UVSSA: variants seen among roughly 807,000 people sequenced by gnomAD.
The protein encoded by UVSSA is UV-stimulated scaffold protein A.
Under a neutral mutation model 73.9 loss-of-function variants are expected in UVSSA, and 72 were observed. That is an observed-to-expected ratio of 0.97 (90% CI 0.81 to 1.19). The LOEUF (loss-of-function observed/expected upper bound fraction) is 1.19, where lower values mean the gene tolerates loss of function less well. UVSSA is among the 50% of genes most tolerant of loss of function. UVSSA has a pLI of 0.00. For missense variants in UVSSA, 1,150 were observed against 965.0 expected (o/e 1.19, Z -2.54); for synonymous variants, 454 against 391.3 (o/e 1.16, Z -1.89).
At chr4:1,376,587 C>A (rs1384441433) in intron 10 of UVSSA, among the ~76,000 whole-genome samples, 3 of 152,196 alleles carry the variant, frequency 2.0e-5, no homozygotes, top group Admixed American at 2.0e-4. Context: ...CAGGCGGGGG[C>A]TCTGCAAGGA....
Position 1,353,171 on chromosome 4 carries a change from G to A in UVSSA, c.692G>A (p.Cys231Tyr). 3.1e-6 allele frequency: 5 copies of A among 1,612,858 alleles called. No individual in the cohort carries two copies. The highest frequency in any genetic ancestry group is 4.2e-6 in the Non-Finnish European group (5 of 1,179,984). Reference protein sequence around the residue: ...SGMSDALRSSCAGQVGPCRSG... With the variant: ...SGMSDALRSSYAGQVGPCRSG... Reference sequence around the variant, plus strand: ...ATGTCCGATGCCCTTCGCTCCTCCTGCGCGGGCCAGGTGGGCCCCTGCCGG... The same window carrying A: ...ATGTCCGATGCCCTTCGCTCCTCCTACGCGGGCCAGGTGGGCCCCTGCCGG... Residue 231 changes from cysteine (C) to tyrosine (Y), a missense_variant, in exon 5 of 14, where the codon TGC becomes TAC. Coordinates refer to ENST00000389851, the MANE Select transcript of UVSSA (RefSeq NM_020894.4).
intron 8 of UVSSA, among the ~76,000 whole-genome samples, chr4:1,367,450 T>C (rs1717480350): frequency 7.1e-6 from 1 of 139,990 alleles, no homozygotes; most frequent in Admixed American, 7.0e-5. Flanking sequence ...AGACAACTCA[T>C]GTGTGAAGAT....
chr4:1,378,283 T>A (rs1252158423), intron 10 of UVSSA, among the ~76,000 whole-genome samples: 2 of 152,168 alleles, frequency 1.3e-5, no homozygotes, highest in Non-Finnish European at 2.9e-5. Flanking sequence ...CTGGGTACAG[T>A]GGCTCACGCC....
intron 8 of UVSSA, among the ~76,000 whole-genome samples, chr4:1,368,862 C>T (rs1717667876): frequency 6.6e-6 from 1 of 152,260 alleles, no homozygotes; most frequent in Non-Finnish European, 1.5e-5. Context: ...GCGGCTGGTT[C>T]TTTCGCTGCA....
chr4:1,354,879 G>C (rs1237118135), intron 6 of UVSSA, 32 bp downstream of exon 6: 1 of 1,511,724 alleles, frequency 6.6e-7, no homozygotes, highest in Non-Finnish European at 9.1e-7. Flanking sequence ...TGTGGGTGGA[G>C]GGACGTGTGC....
At chr4:1,369,131 C>CCGTTCTG (rs1717707467) in intron 8 of UVSSA, among the ~76,000 whole-genome samples, 1 of 152,248 alleles carries the variant, frequency 6.6e-6, no homozygotes, top group Admixed American at 6.5e-5. Context: ...TGCCGTTCTG[C>CCGTTCTG]CGTTCTGCCG....
chr4:1,369,547 TC>T (rs1717765904), intron 8 of UVSSA, among the ~76,000 whole-genome samples: 1 of 152,260 alleles, frequency 6.6e-6, no homozygotes. Flanking sequence ...TCTCATTTCT[TC>T]CTCTGAATTT....
In UVSSA at chr4:1,383,854, G is replaced by C. The variant is rs778999089; in HGVS notation, c.1950G>C (p.Gly650=). Residue 650 remains glycine, a synonymous_variant, in exon 13 of 14, where the codon GGG becomes GGC. Transcript: ENST00000389851. ...GSSRYSGKGR[G]KKRRYPSLTN... is the part of the protein sequence containing the mutation. ...CCAGGTACAGCGGGAAAGGCAGGGG[G>C]AAGAAGAGGAGGTACCCCAGCCTCA... 6.2e-7 allele frequency: 1 copy of C among 1,613,488 alleles called. No individual in the cohort carries two copies. The highest frequency in any genetic ancestry group is 8.5e-7 in the Non-Finnish European group (1 of 1,179,982).
At chr4:1,381,195 C>CT (rs1480405470) in intron 12 of UVSSA, among the ~76,000 whole-genome samples, 2 of 152,242 alleles carry the variant, frequency 1.3e-5, no homozygotes, top group Admixed American at 6.5e-5. Context: ...GATGCTCCAG[C>CT]TTTAGGGGGT....
In UVSSA at chr4:1,355,126, C is replaced by A. The variant is rs879145271; in HGVS notation, c.1057C>A (p.Arg353Ser). Residue 353 changes from arginine to serine, a missense_variant, in exon 7 of 14, where the codon CGC becomes AGC. Physicochemically the swap from Arg to Ser is moderately radical, Grantham distance 110. Transcript: ENST00000389851. ...AVCSWIQRFT[R>S]VGTHGGCLKR... Reference sequence around the variant, plus strand: ...CACCCCCGTTTCGCAGCGCTTCACCCGCGTCGGGACCCACGGTGGATGTTT... The same window carrying A: ...CACCCCCGTTTCGCAGCGCTTCACCAGCGTCGGGACCCACGGTGGATGTTT... The A allele has an allele frequency of 6.2e-7, 1 of 1,613,666 alleles. No homozygotes were observed. The highest frequency in any genetic ancestry group is 1.1e-5 in the South Asian group (1 of 91,072).
intron 7 of UVSSA, chr4:1,366,031 C>T: frequency 4.2e-6 from 1 of 239,204 alleles, no homozygotes; most frequent in Admixed American, 5.3e-5. Flanking sequence ...CACAGGAGGG[C>T]AGCACCTCCC....
At chr4:1,372,447 C>T (rs1032872869) in intron 8 of UVSSA, among the ~76,000 whole-genome samples, 2 of 152,150 alleles carry the variant, frequency 1.3e-5, no homozygotes, top group East Asian at 1.9e-4. Flanking sequence ...TTCAGATGGT[C>T]ACTCTTCATT....
intron 7 of UVSSA, among the ~76,000 whole-genome samples, chr4:1,364,835 C>T (rs1435190854): frequency 1.3e-5 from 2 of 152,190 alleles, no homozygotes; most frequent in Non-Finnish European, 2.9e-5. Context: ...CCCTAGCAGC[C>T]CTGCCAGCCC....
chr4:1,395,622 G>C lies in UVSSA; in HGVS notation c.*9661G>C, dbSNP rs541093494. 3.8e-6 allele frequency: 6 copies of C among 1,599,632 alleles called. No individual in the cohort carries two copies. The South Asian group carries it at 4.5e-5, about 12-fold the overall frequency. ...GCCTGCTCACACACGTGCCCATGTG[G>C]AGTGCCCGCCTGCTCACACGTGCCC... is the stretch of plus-strand genomic sequence containing the variant. On this transcript the variant is annotated 3_prime_UTR_variant, in exon 14 of 14. Coordinates refer to the UVSSA transcript ENST00000511216.
chr4:1,344,499 C>G (rs1458039375), upstream of UVSSA, among the ~76,000 whole-genome samples: 5 of 151,852 alleles, frequency 3.3e-5, no homozygotes, highest in Admixed American at 3.3e-4. Flanking sequence ...TGCAGTGAGC[C>G]GAGATCACAC....
At chr4:1,378,194 C>T (rs1266591749) in intron 10 of UVSSA, among the ~76,000 whole-genome samples, 1 of 152,172 alleles carries the variant, frequency 6.6e-6, no homozygotes, top group Non-Finnish European at 1.5e-5. Context: ...TGGTGGGAGA[C>T]AGGGCTGATG....
intron 4 of UVSSA, 130 bp from the exon 5 acceptor site, chr4:1,352,900 G>A: frequency 1.6e-6 from 2 of 1,265,360 alleles, no homozygotes; most frequent in Non-Finnish European, 2.1e-6. Flanking sequence ...AGCTGTGATT[G>A]CACCACTGCA....
intron 5 of UVSSA, among the ~76,000 whole-genome samples, chr4:1,354,291 C>T (rs1400275498): frequency 6.7e-6 from 1 of 148,236 alleles, no homozygotes; most frequent in African/African-American, 2.5e-5. Context: ...GGGGAAGCCA[C>T]GGCAGGGCAG....
At chr4:1,349,907 G>GC (rs1714427650) in intron 3 of UVSSA, 53 bp downstream of exon 3, 2 of 1,434,986 alleles carry the variant, frequency 1.4e-6, no homozygotes, top group Admixed American at 2.7e-5. Context: ...CGTGAGGAGG[G>GC]CAGACGATAC....
Sources: gnomAD v4.1 joint callset for allele counts (sites outside exome capture counted in the v4.1 genomes callset) on GRCh38, gnomAD v4.1.1 for gene constraint, MANE v1.5 for transcripts, NCBI Gene and HGNC (gene_info 2026-07-23, HGNC 2026-07-21) for gene names.